The following GABRB2 variants were observed in gnomAD, a reference collection of about 807,000 sequenced individuals.
GABRB2 encodes the protein gamma-aminobutyric acid type A receptor subunit beta2.
In GABRB2, 16 loss-of-function variants were observed where a neutral mutation model predicts 54.7. The ratio of observed to expected loss-of-function variants is 0.29; its 90% CI spans 0.20 to 0.44. GABRB2 has a LOEUF of 0.44. Ranked by LOEUF, GABRB2 falls within the 20% of genes least tolerant of loss-of-function variation. The pLI is 1.00. For synonymous variants in GABRB2, 244 were observed against 233.8 expected (o/e 1.04, Z -0.40); for missense variants, 355 against 644.0 (o/e 0.55, Z 4.86).
chr5:161,357,839 G>A (rs944346186), intron 5 of GABRB2, among the ~76,000 whole-genome samples: 2 of 152,132 alleles, frequency 1.3e-5, no homozygotes, highest in Non-Finnish European at 2.9e-5. Context: ...ATGGAAGGTT[G>A]GAGTTGGCAT....
rs1426456199 is a variant in GABRB2 at position 161,326,255 on chromosome 5, G to T, written c.1191+113C>A. 4.2e-6 allele frequency: 6 copies of T among 1,440,450 alleles called. No homozygotes were observed. The Admixed American group carries it at 1.4e-4, about 34-fold the overall frequency. The allele number at this position is 1,440,450 out of a possible 1,614,324, so 89.2% of individuals were successfully genotyped here. Reference sequence around the variant, plus strand: ...TTTAACTTATCCCCAAGACTCTGTGGATACATGTTCATAGGTTATCTGCAA... The same window carrying T: ...TTTAACTTATCCCCAAGACTCTGTGTATACATGTTCATAGGTTATCTGCAA... On this transcript the variant is annotated intron_variant, in intron 9 of 9. Transcript: ENST00000393959.
chr5:161,470,794 T>C (rs954553150), intron 3 of GABRB2, among the ~76,000 whole-genome samples: 5 of 151,972 alleles, frequency 3.3e-5, no homozygotes, highest in Non-Finnish European at 7.4e-5. Flanking sequence ...ACTTAAACCA[T>C]GGAAATAGAA....
chr5:161,384,387 G>T (rs956825489), intron 5 of GABRB2, among the ~76,000 whole-genome samples: 38 of 152,244 alleles, frequency 2.5e-4, no homozygotes, highest in African/African-American at 8.4e-4. Flanking sequence ...ATTGAGGAGG[G>T]GGTGGAGTGA....
At chr5:161,495,845 A>G (rs114365204) in intron 3 of GABRB2, among the ~76,000 whole-genome samples, 1 of 152,252 alleles carries the variant, frequency 6.6e-6, no homozygotes, top group African/African-American at 2.4e-5. Flanking sequence ...TTCTATAATG[A>G]GTTGGAAAAT....
chr5:161,364,012 G>A (rs1182571057), intron 5 of GABRB2, among the ~76,000 whole-genome samples: 1 of 152,176 alleles, frequency 6.6e-6, no homozygotes, highest in Non-Finnish European at 1.5e-5. Context: ...TATCCAGGGT[G>A]CTGAAGTGAT....
intron 3 of GABRB2, among the ~76,000 whole-genome samples, chr5:161,497,249 G>T (rs1759280589): frequency 6.6e-6 from 1 of 152,054 alleles, no homozygotes; most frequent in South Asian, 2.1e-4. Flanking sequence ...GTGTCCCTTA[G>T]AAACAGTTCT....
chr5:161,439,013 C>G (rs897697704), intron 4 of GABRB2, among the ~76,000 whole-genome samples: 1 of 152,138 alleles, frequency 6.6e-6, no homozygotes, highest in Middle Eastern at 3.4e-3. Context: ...GAGAACTTCC[C>G]AAACCTAGAG....
chr5:161,312,469 C>T (rs942150129), intron 9 of GABRB2, among the ~76,000 whole-genome samples: 1 of 152,158 alleles, frequency 6.6e-6, no homozygotes, highest in Non-Finnish European at 1.5e-5. Flanking sequence ...AGCTGATAAT[C>T]TGATGCTTTG....
At chr5:161,431,008 G>A (rs1187245535) in intron 4 of GABRB2, among the ~76,000 whole-genome samples, 2 of 152,106 alleles carry the variant, frequency 1.3e-5, no homozygotes, top group Non-Finnish European at 2.9e-5. Flanking sequence ...AAGTTCTCCT[G>A]GATTTACAAT....
Position 161,288,895 on chromosome 5 carries a change from T to G in GABRB2, c.*5186A>C, listed in dbSNP as rs1203390607. The G allele has an allele frequency of 6.6e-6, 1 of 152,120 alleles. No individual in the cohort carries two copies. Among genetic ancestry groups the G allele is most frequent in the Non-Finnish European group, 1.5e-5 (1 of 67,998 alleles). The allele number at this position is 152,120 out of a possible 1,614,324, so 9.4% of individuals were successfully genotyped here. ...GGTTTAAATTAAACTATAGGCAACT[T>G]TGTTGGGATTAATTATGTTTAAAAT... On this transcript the variant is annotated 3_prime_UTR_variant, in exon 10 of 10. Coordinates refer to ENST00000393959, the MANE Select transcript of GABRB2 (RefSeq NM_001371727.1).
At position 161,502,533 on chromosome 5, in the gene GABRB2, C is replaced by G. The variant is rs185462791; in HGVS notation, c.238-42689G>C. Among the ~76,000 whole-genome samples the G allele has an allele frequency of 2.6e-5, 4 of 152,128 alleles. No homozygotes were observed. In the East Asian group the frequency reaches 5.8e-4, roughly 22 times the overall value. On this transcript the variant is annotated intron_variant, in intron 3 of 9. Transcript: ENST00000393959. ...CTCATGTTTCTTCTCTCTCTACTGCCTACTTTAAACAGTCAATCAAACTGT... is the reference window on the plus strand; with the variant it reads ...CTCATGTTTCTTCTCTCTCTACTGCGTACTTTAAACAGTCAATCAAACTGT...
chr5:161,521,098 T>C (rs1760099377), intron 3 of GABRB2, among the ~76,000 whole-genome samples: 1 of 152,006 alleles, frequency 6.6e-6, no homozygotes, highest in South Asian at 2.1e-4. Context: ...GCTGGAGGAC[T>C]ACTTGTTTTA....
intron 5 of GABRB2, among the ~76,000 whole-genome samples, chr5:161,364,065 C>T (rs1348057324): frequency 6.6e-6 from 1 of 152,096 alleles, no homozygotes; most frequent in African/African-American, 2.4e-5. Context: ...ATTAAACACT[C>T]ATTATGTAAA....
At chr5:161,513,472 A>T (rs1002558754) in intron 3 of GABRB2, among the ~76,000 whole-genome samples, 1 of 152,086 alleles carries the variant, frequency 6.6e-6, no homozygotes, top group African/African-American at 2.4e-5. Flanking sequence ...AAATCATGTC[A>T]GTTGCTGCAA....
intron 5 of GABRB2, among the ~76,000 whole-genome samples, chr5:161,389,499 A>G (rs77565016): frequency 0.023 from 3,458 of 151,978 alleles, 58 homozygotes; most frequent in Non-Finnish European, 0.034. Flanking sequence ...TTAAACCTGC[A>G]GATAGATTGA....
rs188029669 is a variant in GABRB2 at position 161,293,978 on chromosome 5, C to T, written c.*103G>A. On this transcript the variant is annotated 3_prime_UTR_variant, in exon 10 of 10. Transcript: ENST00000393959. ...TAGGCCAGCAACTAAGGTATTTTAGCGTCACTTTTGTCCTGGATTGATGTG... is the reference window on the plus strand; with the variant it reads ...TAGGCCAGCAACTAAGGTATTTTAGTGTCACTTTTGTCCTGGATTGATGTG... The T allele has an allele frequency of 6.2e-5, 55 of 880,008 alleles. No homozygotes were observed. The highest frequency in any genetic ancestry group is 8.1e-5 in the Non-Finnish European group (46 of 569,548). 54.5% of individuals were successfully genotyped at this position (880,008 alleles called of 1,614,324 possible).
chr5:161,304,506 A>T (rs1346699610), intron 9 of GABRB2, among the ~76,000 whole-genome samples: 1 of 151,878 alleles, frequency 6.6e-6, no homozygotes, highest in Non-Finnish European at 1.5e-5. Flanking sequence ...TTCTCTAGTA[A>T]CCCTTTGGAT....
At chr5:161,368,496 T>C (rs564153390) in intron 5 of GABRB2, among the ~76,000 whole-genome samples, 3 of 152,168 alleles carry the variant, frequency 2.0e-5, no homozygotes, top group Non-Finnish European at 4.4e-5. Context: ...ACTTTGCTCA[T>C]TCTGTAAAAA....
chr5:161,300,704 T>C (rs1352343967), intron 9 of GABRB2, among the ~76,000 whole-genome samples: 2 of 152,162 alleles, frequency 1.3e-5, no homozygotes, highest in Admixed American at 1.3e-4. Context: ...GACTCCTAAG[T>C]GAGTAAATCT....
Sources: allele counts gnomAD v4.1 joint callset (sites outside exome capture counted in the v4.1 genomes callset), GRCh38; gene constraint gnomAD v4.1.1; transcripts MANE v1.5; gene names NCBI Gene and HGNC (gene_info 2026-07-23, HGNC 2026-07-21).